The following BAIAP2 variants were observed in gnomAD, a reference collection of about 807,000 sequenced individuals.
BAIAP2 encodes the protein BAR/IMD domain-containing adapter protein 2.
A neutral mutation model predicts 63.0 loss-of-function variants in BAIAP2; 18 were observed. That is an observed-to-expected ratio of 0.29 (90% CI 0.20 to 0.42). BAIAP2 has a LOEUF of 0.42. Among genes scored for constraint, BAIAP2 ranks in the 10% least tolerant of loss-of-function variants. The pLI is 1.00. For missense variants in BAIAP2, 610 were observed against 734.3 expected, an observed-to-expected ratio of 0.83 and a Z score of 1.96; for synonymous variants, 386 against 307.6, an observed-to-expected ratio of 1.25 and a Z score of -2.67.
At position 81,057,989 on chromosome 17, in the gene BAIAP2, C is replaced by T. The variant is rs757559645; in HGVS notation, c.217+22C>T. 1.5e-4 allele frequency: 157 copies of T among 1,070,934 alleles called. 18 individuals are homozygous for T. Among genetic ancestry groups the T allele is most frequent in the Admixed American group, 3.1e-4 (11 of 35,002 alleles). 66.3% of individuals were successfully genotyped at this position (1,070,934 alleles called of 1,614,324 possible). A position where few individuals can be genotyped will look rare whatever the true frequency, so the allele number is the denominator to read the frequency against. On this transcript the variant is annotated intron_variant, in intron 3 of 13. Coordinates refer to ENST00000428708, the MANE Select transcript of BAIAP2 (RefSeq NM_001144888.2). ...CTCGGTGAGACCCCCCCCCCCCCCC[C>T]GCCTGGTAGTCGCCTGATGCCCTCA...
At chr17:81,077,304 C>T (rs571979862) in intron 3 of BAIAP2, among the ~76,000 whole-genome samples, 7 of 152,164 alleles carry the variant, frequency 4.6e-5, no homozygotes, top group Non-Finnish European at 8.8e-5. Context: ...TGGCAGCTCA[C>T]GCCTGTAATC....
chr17:81,072,482 C>A (rs1318682464), intron 3 of BAIAP2, among the ~76,000 whole-genome samples: 1 of 152,208 alleles, frequency 6.6e-6, no homozygotes, highest in Non-Finnish European at 1.5e-5. Context: ...GTGCCAAGAG[C>A]AGACGATCTG....
chr17:81,060,369 C>T (rs1487974847), intron 3 of BAIAP2, among the ~76,000 whole-genome samples: 1 of 152,254 alleles, frequency 6.6e-6, no homozygotes, highest in Non-Finnish European at 1.5e-5. Flanking sequence ...ACGCTCCCAG[C>T]CCCTGGCAGC....
rs531422876 is a variant in BAIAP2 at position 81,059,173 on chromosome 17, G to A, written c.217+1206G>A. Among the ~76,000 whole-genome samples, 430 of 152,298 alleles carry A rather than the reference G, an allele frequency of 2.8e-3. 1 individual carries two copies. Among genetic ancestry groups the A allele is most frequent in the African/African-American group, 9.8e-3 (406 of 41,556 alleles). On this transcript the variant is annotated intron_variant, in intron 3 of 13. Transcript: ENST00000428708. Reference sequence around the variant, plus strand: ...TGCTGCCTTGGGCAGGCCCGCTGGCGTGTTTGCTGCAGGTCTGGTGATGCC... The same window carrying A: ...TGCTGCCTTGGGCAGGCCCGCTGGCATGTTTGCTGCAGGTCTGGTGATGCC...
At chr17:81,068,308 T>C (rs2051887795) in intron 3 of BAIAP2, among the ~76,000 whole-genome samples, 1 of 152,190 alleles carries the variant, frequency 6.6e-6, no homozygotes, top group Non-Finnish European at 1.5e-5. Context: ...TAGGCGAGGC[T>C]GGTTAGGAGC....
intron 13 of BAIAP2, chr17:81,110,584 C>T (rs2059802554): frequency 1.7e-6 from 2 of 1,209,054 alleles, no homozygotes; most frequent in African/African-American, 1.5e-5. Flanking sequence ...CTTGTGCCCA[C>T]CTCTGCCAGG....
At chr17:81,108,931 G>A (rs538943645) in intron 13 of BAIAP2, 47 of 1,540,628 alleles carry the variant, frequency 3.1e-5, no homozygotes, top group East Asian at 2.7e-4. Flanking sequence ...GGGCAGCGTC[G>A]TGCAGCCAGG....
rs980723902 is a variant in BAIAP2, at chr17:81,090,835, C to G, written c.489+4255C>G. 2.0e-5 allele frequency among the ~76,000 whole-genome samples: 3 copies of G among 152,342 alleles called. No homozygotes were observed. In the East Asian group the frequency reaches 5.8e-4, roughly 29 times the overall value. ...GGCCTCGCTGCTCCAGGCCCCTTGC[C>G]CCACCCAGGGCTGTTCCTGCTGGTT... On this transcript the variant is annotated intron_variant, in intron 6 of 13. Coordinates refer to ENST00000428708, the MANE Select transcript of BAIAP2 (RefSeq NM_001144888.2).
rs753593189 is a variant in BAIAP2, at chr17:81,104,504, G to C, written c.1067-10G>C. 24 of 1,583,448 alleles carry C rather than the reference G, an allele frequency of 1.5e-5. 1 individual carries two copies. Among genetic ancestry groups the C allele is most frequent in the Middle Eastern group, 4.6e-4 (2 of 4,378 alleles). On this transcript the variant is annotated splice_polypyrimidine_tract_variant and intron_variant, in intron 9 of 13. Coordinates refer to ENST00000428708, the MANE Select transcript of BAIAP2 (RefSeq NM_001144888.2). ...GGGGCAGTCCCCTTACCTGTCCCTT[G>C]TCCCAGCAGCCGAGAACAAGACTCT...
At chr17:81,074,945 G>T (rs954299798) in intron 3 of BAIAP2, among the ~76,000 whole-genome samples, 1 of 152,280 alleles carries the variant, frequency 6.6e-6, no homozygotes, top group African/African-American at 2.4e-5. Context: ...AGGTTGGAAA[G>T]GTTGGGCTGG....
At chr17:81,097,873 C>G (rs533497555) in intron 6 of BAIAP2, among the ~76,000 whole-genome samples, 6 of 152,324 alleles carry the variant, frequency 3.9e-5, no homozygotes, top group African/African-American at 1.4e-4. Context: ...CCCTCACCAG[C>G]CACCCACAGC....
chr17:81,082,532 A>G (rs1045183886), intron 3 of BAIAP2, among the ~76,000 whole-genome samples: 1 of 152,174 alleles, frequency 6.6e-6, no homozygotes, highest in Non-Finnish European at 1.5e-5. Flanking sequence ...GGATCCTGCC[A>G]GCCCTGGGCA....
intron 1 of BAIAP2, among the ~76,000 whole-genome samples, chr17:81,048,771 G>C (rs563486714): frequency 6.6e-6 from 1 of 152,310 alleles, no homozygotes; most frequent in South Asian, 2.1e-4. Flanking sequence ...GGTCCCTGCT[G>C]TGGTCAAGGC....
At chr17:81,056,963 C>T (rs1448839804) in intron 2 of BAIAP2, among the ~76,000 whole-genome samples, 2 of 152,250 alleles carry the variant, frequency 1.3e-5, no homozygotes, top group African/African-American at 2.4e-5. Context: ...GCAGCACACC[C>T]GTCCCAGGCA....
At chr17:81,068,365 A>G (rs4969372) in intron 3 of BAIAP2, among the ~76,000 whole-genome samples, 1 of 152,316 alleles carries the variant, frequency 6.6e-6, no homozygotes, top group Admixed American at 6.5e-5. Context: ...CGCGTGAGGA[A>G]CTGGAGGTCT....
In BAIAP2 at chr17:81,046,261, C is replaced by T. The variant is rs1041650614; in HGVS notation, c.55-7407C>T. Among the ~76,000 whole-genome samples, 1 of 152,164 alleles carries T rather than the reference C, an allele frequency of 6.6e-6. No homozygotes were observed. The highest frequency in any genetic ancestry group is 1.5e-5 in the Non-Finnish European group (1 of 68,020). On this transcript the variant is annotated intron_variant, in intron 1 of 13. Coordinates refer to ENST00000428708, the MANE Select transcript of BAIAP2 (RefSeq NM_001144888.2). The surrounding 1 kb of genome is among the most constrained non-coding windows in gnomAD (Gnocchi z 4.5). ...TTTCCTCCCAGAAACTTCCATGCAT[C>T]CCCTCGTTTCCTAAATCCGTGTACA...
intron 3 of BAIAP2, among the ~76,000 whole-genome samples, chr17:81,067,908 G>A (rs2051804845): frequency 1.3e-5 from 2 of 152,356 alleles, no homozygotes; most frequent in African/African-American, 2.4e-5. Context: ...CCTAGGGAGG[G>A]AAAGAGAGGA....
chr17:81,100,564 ACCCCCAGCCCCAAGCCTGGG>A (rs2058352628), intron 7 of BAIAP2, among the ~76,000 whole-genome samples: 1 of 150,952 alleles, frequency 6.6e-6, no homozygotes, highest in African/African-American at 2.4e-5. Context: ...GGCACTGAGG[ACCCCCAGCCCCAAGCCTGGG>A]TCCCCAGCCA....
At chr17:81,079,896 G>T (rs1044060833) in intron 3 of BAIAP2, among the ~76,000 whole-genome samples, 1 of 152,200 alleles carries the variant, frequency 6.6e-6, no homozygotes, top group African/African-American at 2.4e-5. Context: ...TCCCTCAGCA[G>T]GGTGGGCCTG....
Sources: allele counts gnomAD v4.1 joint callset (sites outside exome capture counted in the v4.1 genomes callset), GRCh38; gene constraint gnomAD v4.1.1; non-coding constraint Gnocchi (gnomAD v3.1); transcripts MANE v1.5; gene names NCBI Gene and HGNC (gene_info 2026-07-23, HGNC 2026-07-21).